The following RASA2 variants were observed in gnomAD, a reference collection of about 807,000 sequenced individuals.
RASA2 encodes ras GTPase-activating protein 2.
RASA2 carries 155 observed loss-of-function variants against 118.2 expected under a neutral mutation model. That is an observed-to-expected ratio of 1.31 (90% CI 1.15 to 1.50). RASA2 has a LOEUF of 1.50. Ranked by LOEUF, RASA2 falls within the 40% of genes most tolerant of loss-of-function variation. RASA2 has a pLI of 0.00. For synonymous variants in RASA2, 353 were observed against 349.1 expected (o/e 1.01, Z -0.12); for missense variants, 1,016 against 1,009.6 (o/e 1.01, Z -0.09).
intron 1 of RASA2, among the ~76,000 whole-genome samples, chr3:141,490,469 A>T (rs2081627941): frequency 2.6e-5 from 4 of 151,596 alleles, no homozygotes; most frequent in Admixed American, 2.6e-4. Flanking sequence ...GTTTCCTCTT[A>T]TCCAATTACA....
At chr3:141,524,830 A>G (rs895724539) in intron 3 of RASA2, among the ~76,000 whole-genome samples, 2 of 151,942 alleles carry the variant, frequency 1.3e-5, no homozygotes, top group African/African-American at 2.4e-5. Context: ...AGCTCAGGCA[A>G]TCCACCCACC....
intron 5 of RASA2, among the ~76,000 whole-genome samples, chr3:141,546,531 C>A (rs1428307508): frequency 6.6e-6 from 1 of 152,124 alleles, no homozygotes; most frequent in African/African-American, 2.4e-5. Flanking sequence ...ATTTTTAAAT[C>A]AGATTATTAT....
At chr3:141,578,323 G>C (rs568671557) in intron 15 of RASA2, among the ~76,000 whole-genome samples, 1 of 152,122 alleles carries the variant, frequency 6.6e-6, no homozygotes, top group Non-Finnish European at 1.5e-5. Flanking sequence ...CAACCTCTTA[G>C]ACAGATGTTC....
chr3:141,602,633 T>A (rs2083482630), intron 19 of RASA2, among the ~76,000 whole-genome samples: 1 of 152,222 alleles, frequency 6.6e-6, no homozygotes, highest in African/African-American at 2.4e-5. Flanking sequence ...TCTCTCTCTC[T>A]TACTTACAGT....
At chr3:141,490,292 T>C (rs1242519452) in intron 1 of RASA2, among the ~76,000 whole-genome samples, 3 of 142,520 alleles carry the variant, frequency 2.1e-5, no homozygotes, top group Non-Finnish European at 4.5e-5. Context: ...GTAGCAAGTA[T>C]GCTAGAACAC....
rs149637023 is a variant in RASA2, at chr3:141,495,961, C to A, written c.133+8745C>A. 1.3e-4 allele frequency among the ~76,000 whole-genome samples: 20 copies of A among 152,274 alleles called. No individual in the cohort carries two copies. The East Asian group carries it at 3.9e-3, about 29-fold the overall frequency. ...AGTTGTAGAATAATATGTGTAGTAT[C>A]CTGTGTATTGTTTTAAATCTCAAAA... On this transcript the variant is annotated intron_variant, in intron 1 of 23. Transcript: ENST00000286364.
At chr3:141,507,512 T>C (rs1472418845) in intron 1 of RASA2, among the ~76,000 whole-genome samples, 2 of 152,192 alleles carry the variant, frequency 1.3e-5, no homozygotes, top group Non-Finnish European at 2.9e-5. Flanking sequence ...AACTTTTAGA[T>C]GCCTGTCTTA....
intron 3 of RASA2, among the ~76,000 whole-genome samples, chr3:141,523,116 T>C (rs2082134901): frequency 6.6e-6 from 1 of 152,214 alleles, no homozygotes; most frequent in East Asian, 1.9e-4. Context: ...TTTTAAATTA[T>C]GGCATAGATA....
At chr3:141,516,259 A>G in intron 2 of RASA2, 69 bp from the exon 3 acceptor site, 1 of 1,023,686 alleles carries the variant, frequency 9.8e-7, no homozygotes. Flanking sequence ...TACAATTATT[A>G]TTGAAAGTGA....
At chr3:141,508,769 TGAAAG>T (rs2081906894) in intron 1 of RASA2, among the ~76,000 whole-genome samples, 1 of 151,832 alleles carries the variant, frequency 6.6e-6, no homozygotes, top group Admixed American at 6.6e-5. Context: ...AGGGAGCACT[TGAAAG>T]GAGAGATTAT....
intron 2 of RASA2, 134 bp from the exon 3 acceptor site, chr3:141,516,194 G>A: frequency 1.8e-6 from 1 of 560,814 alleles, no homozygotes; most frequent in African/African-American, 2.0e-5. Context: ...AGAACTTAAA[G>A]TATAATAAAA....
In RASA2 at chr3:141,512,267, G is replaced by T; in HGVS notation, c.238G>T (p.Glu80Ter). Residue 80 changes from glutamate to a stop codon, truncating the protein, a stop_gained, in exon 2 of 24, where the codon GAA becomes TAA. Transcript: ENST00000286364. LOFTEE classifies it high-confidence loss of function. ...QEEVYRTQVV[E>*]KSLSPFFSEE... ...AGAAGTTTATCGTACCCAAGTTGTG[G>T]AAAAATCTTTAAGGTTGGTAGAAAA... 1 of 1,579,370 alleles carries T rather than the reference G, an allele frequency of 6.3e-7. No individual in the cohort carries two copies. The highest frequency in any genetic ancestry group is 8.6e-7 in the Non-Finnish European group (1 of 1,166,378).
At chr3:141,545,651 T>A (rs941096729) in intron 5 of RASA2, among the ~76,000 whole-genome samples, 2 of 151,886 alleles carry the variant, frequency 1.3e-5, no homozygotes, top group Non-Finnish European at 2.9e-5. Context: ...TTTCATCATG[T>A]TGGTCAGGCT....
intron 19 of RASA2, among the ~76,000 whole-genome samples, chr3:141,597,940 A>C (rs1054431190): frequency 6.6e-6 from 1 of 152,232 alleles, no homozygotes; most frequent in African/African-American, 2.4e-5. Context: ...GCAACTTTAT[A>C]TCAATAAATT....
At chr3:141,556,775 A>T (rs1477673809) in intron 7 of RASA2, among the ~76,000 whole-genome samples, 4 of 152,112 alleles carry the variant, frequency 2.6e-5, no homozygotes, top group Non-Finnish European at 4.4e-5. Context: ...TTGGTATTTC[A>T]CAGTGGAGAG....
chr3:141,526,936 G>A (rs963924102), intron 3 of RASA2, among the ~76,000 whole-genome samples: 1 of 152,200 alleles, frequency 6.6e-6, no homozygotes, highest in Non-Finnish European at 1.5e-5. Flanking sequence ...GTGTGACTAA[G>A]AGAGGATTCT....
At chr3:141,506,949 T>C (rs2081878435) in intron 1 of RASA2, among the ~76,000 whole-genome samples, 1 of 151,192 alleles carries the variant, frequency 6.6e-6, no homozygotes, top group Non-Finnish European at 1.5e-5. Context: ...GAAAAAAGAA[T>C]TTGGCATTCC....
At chr3:141,554,025 A>G (rs1171950740) in intron 6 of RASA2, 85 bp downstream of exon 6, 17 of 1,503,220 alleles carry the variant, frequency 1.1e-5, no homozygotes, top group Non-Finnish European at 1.5e-5. Context: ...CGAGCAAATG[A>G]TAAATAGCTA....
chr3:141,553,838 C>A lies in RASA2; in HGVS notation c.528-19C>A, dbSNP rs75293937. On this transcript the variant is annotated intron_variant, in intron 5 of 23. Transcript: ENST00000286364. ...TTAACTGGAATCTAATATGTTAAAT[C>A]TCTTTTATTCTACCTTAGCATCAAG... 1.3e-6 allele frequency: 2 copies of A among 1,596,618 alleles called. No individual in the cohort carries two copies. Among genetic ancestry groups the A allele is most frequent in the East Asian group, 2.2e-5 (1 of 44,530 alleles).
Sources: allele counts gnomAD v4.1 joint callset (sites outside exome capture counted in the v4.1 genomes callset), GRCh38; gene constraint gnomAD v4.1.1; transcripts MANE v1.5; gene names NCBI Gene and HGNC (gene_info 2026-07-23, HGNC 2026-07-21).